The following FRMPD4 variants were observed in gnomAD, a reference collection of about 807,000 sequenced individuals.
The protein encoded by FRMPD4 is FERM and PDZ domain-containing protein 4.
A neutral mutation model predicts 94.1 loss-of-function variants in FRMPD4; 22 were observed. That is an observed-to-expected ratio of 0.23 (90% CI 0.17 to 0.33). The LOEUF is 0.33. Ranked by LOEUF, FRMPD4 falls within the 10% of genes least tolerant of loss-of-function variation. The pLI is 1.00. For synonymous variants in FRMPD4, 631 were observed against 548.6 expected (o/e 1.15, Z -2.10); for missense variants, 1,111 against 1,339.9 (o/e 0.83, Z 2.67).
intron 1 of FRMPD4, among the ~76,000 whole-genome samples, chrX:12,458,188 A>G (rs930344137): frequency 1.8e-5 from 2 of 111,342 alleles, no homozygotes; most frequent in African/African-American, 6.6e-5. Context: ...CTTCATTTTT[A>G]TTGCTAAGAA....
At chrX:12,356,590 C>G (rs1459354179) in intron 1 of FRMPD4, among the ~76,000 whole-genome samples, 2 of 111,713 alleles carry the variant, frequency 1.8e-5, no homozygotes, top group Non-Finnish European at 3.8e-5. Context: ...CATGTGAGGA[C>G]ACGTGTGACT....
At chrX:12,346,278 GAA>G (rs36067490) in intron 1 of FRMPD4, among the ~76,000 whole-genome samples, 1 of 100,306 alleles carries the variant, frequency 1.0e-5, no homozygotes, top group Non-Finnish European at 2.0e-5. Flanking sequence ...TGTTTTGCAG[GAA>G]AAAAAAAAAA....
At chrX:12,524,102 C>G (rs1281681697) in intron 2 of FRMPD4, among the ~76,000 whole-genome samples, 1 of 112,076 alleles carries the variant, frequency 8.9e-6, no homozygotes, top group Non-Finnish European at 1.9e-5. Flanking sequence ...CTATAGTGAG[C>G]TATGATTGTG....
In FRMPD4 at chrX:11,922,293, C is replaced by T. The variant is rs192408799; in HGVS notation, c.95+44275C>T. Among the ~76,000 whole-genome samples the T allele has an allele frequency of 6.3e-5, 7 of 111,390 alleles. No homozygotes were observed. In the East Asian group the frequency reaches 2.0e-3, roughly 31 times the overall value. ...AGGGGGAGCAGGCATATCACATGGT[C>T]AGAGCAGGAGCAAGAGAGCGGGTGT... On this transcript the variant is annotated intron_variant, in intron 3 of 18. Coordinates refer to the FRMPD4 transcript ENST00000640291.
chrX:12,577,749 A>G (rs5979668), intron 2 of FRMPD4, among the ~76,000 whole-genome samples: 29,961 of 110,685 alleles, frequency 0.27, 3,853 homozygotes, highest in African/African-American at 0.51. Flanking sequence ...TGGCTGGCAA[A>G]CTGGAGTGGA....
intron 1 of FRMPD4, among the ~76,000 whole-genome samples, chrX:12,441,259 TTGAA>T (rs201822474): frequency 0.02 from 2,278 of 111,783 alleles, 56 homozygotes; most frequent in African/African-American, 0.07. Flanking sequence ...TGGGGAGAAA[TTGAA>T]TGGCCTTAAA....
At chrX:11,956,687 C>CT (rs1006168064) in intron 3 of FRMPD4, among the ~76,000 whole-genome samples, 26 of 112,102 alleles carry the variant, frequency 2.3e-4, no homozygotes, top group Admixed American at 1.9e-3. Flanking sequence ...TAAATAGCAT[C>CT]TTTTTTTTCT....
intron 3 of FRMPD4, among the ~76,000 whole-genome samples, chrX:11,928,769 C>T (rs1449392178): frequency 4.4e-5 from 5 of 112,387 alleles, no homozygotes; most frequent in Non-Finnish European, 9.4e-5. Context: ...GGTATATACC[C>T]AATGGAATGT....
intron 2 of FRMPD4, among the ~76,000 whole-genome samples, chrX:12,566,239 A>C (rs1602140427): frequency 9.0e-6 from 1 of 111,272 alleles, no homozygotes; most frequent in East Asian, 2.8e-4. Flanking sequence ...ATGCAGCAAA[A>C]GCGGAAAAAG....
intron 1 of FRMPD4, among the ~76,000 whole-genome samples, chrX:12,391,236 G>A (rs2056471010): frequency 9.0e-6 from 1 of 111,678 alleles, no homozygotes; most frequent in Admixed American, 9.5e-5. Flanking sequence ...GGGAAGGGGA[G>A]AGGAGAATAA....
chrX:12,668,901 G>A (rs746624197), intron 4 of FRMPD4, among the ~76,000 whole-genome samples: 9 of 111,282 alleles, frequency 8.1e-5, no homozygotes, highest in African/African-American at 2.3e-4. Flanking sequence ...AACTGCACCC[G>A]GCCTGAAACT....
At chrX:12,192,567 C>A (rs1009497302) in intron 1 of FRMPD4, among the ~76,000 whole-genome samples, 4 of 111,786 alleles carry the variant, frequency 3.6e-5, no homozygotes, top group Non-Finnish European at 7.5e-5. Context: ...TCAAGCATGA[C>A]AGAAGGATTA....
chrX:12,096,613 G>A (rs907585808), intron 3 of FRMPD4, among the ~76,000 whole-genome samples: 16 of 112,027 alleles, frequency 1.4e-4, no homozygotes, highest in African/African-American at 4.5e-4. Flanking sequence ...CTTTTGTGCA[G>A]TGGCTCATGC....
At position 12,683,688 on chromosome X, in the gene FRMPD4, G is replaced by A. The variant is rs181554291; in HGVS notation, c.573+101G>A. 476 of 461,663 alleles carry A rather than the reference G, an allele frequency of 1.0e-3. 2 individuals carry two copies. The highest frequency in any genetic ancestry group is 1.4e-3 in the South Asian group (39 of 26,922). The allele number at this position is 461,663 out of a possible 1,213,427, so 38.0% of individuals were successfully genotyped here. A position where few individuals can be genotyped will look rare whatever the true frequency, so the allele number is the denominator to read the frequency against. On this transcript the variant is annotated intron_variant, in intron 6 of 16. Transcript: ENST00000675598. ...GTAGTCCCACTGGAATGACTGATCTGAAATTGGTTGTTGGTTTTTACAGAG... is the reference window on the plus strand; with the variant it reads ...GTAGTCCCACTGGAATGACTGATCTAAAATTGGTTGTTGGTTTTTACAGAG...
intron 1 of FRMPD4, among the ~76,000 whole-genome samples, chrX:12,146,329 G>C (rs760325655): frequency 9.2e-6 from 1 of 108,825 alleles, no homozygotes; most frequent in African/African-American, 3.3e-5. Context: ...GCGCCACTGT[G>C]CTTCCAACCT....
At chrX:12,360,833 T>C (rs2055974945) in intron 1 of FRMPD4, among the ~76,000 whole-genome samples, 1 of 111,420 alleles carries the variant, frequency 9.0e-6, no homozygotes, top group African/African-American at 3.3e-5. Flanking sequence ...CAATGTAGTT[T>C]TCTGAGAGTT....
intron 1 of FRMPD4, among the ~76,000 whole-genome samples, chrX:12,466,669 GAAAA>G (rs2148164823): frequency 8.9e-6 from 1 of 112,268 alleles, no homozygotes; most frequent in African/African-American, 3.2e-5. Flanking sequence ...AAGAAAGAAA[GAAAA>G]GAGGGCAAGA....
intron 2 of FRMPD4, among the ~76,000 whole-genome samples, chrX:12,549,323 T>C (rs936007071): frequency 3.6e-5 from 4 of 111,926 alleles, no homozygotes; most frequent in Non-Finnish European, 7.5e-5. Context: ...TTGCAAGTTA[T>C]TGAGAGGAAA....
At chrX:12,535,596 T>C (rs1487129944) in intron 2 of FRMPD4, among the ~76,000 whole-genome samples, 2 of 112,515 alleles carry the variant, frequency 1.8e-5, no homozygotes, top group Middle Eastern at 4.6e-3. Context: ...TCCTTGGAAT[T>C]CATTTTTCAA....
Sources: allele counts gnomAD v4.1 joint callset (sites outside exome capture counted in the v4.1 genomes callset), GRCh38; gene constraint gnomAD v4.1.1; transcripts MANE v1.5; gene names NCBI Gene and HGNC (gene_info 2026-07-23, HGNC 2026-07-21).